LIPC: variants seen among roughly 807,000 people sequenced by gnomAD.
LIPC encodes the protein hepatic triacylglycerol lipase.
Under a neutral mutation model 50.7 loss-of-function variants are expected in LIPC, and 44 were observed. The ratio of observed to expected loss-of-function variants is 0.87; its 90% CI spans 0.68 to 1.11. The LOEUF is 1.11. LIPC is among the 50% of genes most tolerant of loss of function. LIPC has a pLI of 0.00. For missense variants in LIPC, 697 were observed against 648.2 expected (o/e 1.08, Z -0.82); for synonymous variants, 271 against 256.4 (o/e 1.06, Z -0.54).
intron 1 of LIPC, among the ~76,000 whole-genome samples, chr15:58,449,531 G>A (rs1893827634): frequency 6.6e-6 from 1 of 152,042 alleles, no homozygotes; most frequent in Non-Finnish European, 1.5e-5. Context: ...GTTGCTGGGA[G>A]GAATGGGTTT....
At chr15:58,475,962 T>G (rs1397021997) in intron 1 of LIPC, among the ~76,000 whole-genome samples, 1 of 152,222 alleles carries the variant, frequency 6.6e-6, no homozygotes, top group African/African-American at 2.4e-5. Flanking sequence ...CCTGACACAG[T>G]ATAAGCACTG....
chr15:58,515,349 C>T (rs1892452353), intron 1 of LIPC, among the ~76,000 whole-genome samples: 1 of 152,098 alleles, frequency 6.6e-6, no homozygotes, highest in South Asian at 2.1e-4. Flanking sequence ...CTATTTGGAG[C>T]AAGAATGGGA....
intron 4 of LIPC, among the ~76,000 whole-genome samples, chr15:58,543,209 G>C (rs944250341): frequency 3.3e-5 from 5 of 152,102 alleles, no homozygotes; most frequent in Non-Finnish European, 5.9e-5. Context: ...TTCCTCCCAG[G>C]CTTCCGTGAC....
At chr15:58,471,793 C>T (rs1890818262) in intron 1 of LIPC, among the ~76,000 whole-genome samples, 1 of 152,174 alleles carries the variant, frequency 6.6e-6, no homozygotes, top group African/African-American at 2.4e-5. Context: ...CCTGGAGTTC[C>T]TCCACCCTCC....
At chr15:58,460,270 T>C (rs969215897) in intron 1 of LIPC, among the ~76,000 whole-genome samples, 1 of 152,226 alleles carries the variant, frequency 6.6e-6, no homozygotes, top group Non-Finnish European at 1.5e-5. Flanking sequence ...GTTCTAACTC[T>C]GCAGGAGAAG....
At chr15:58,531,427 T>C (rs1188775483) in intron 1 of LIPC, among the ~76,000 whole-genome samples, 1 of 151,968 alleles carries the variant, frequency 6.6e-6, no homozygotes, top group East Asian at 1.9e-4. Context: ...GCATACTCTT[T>C]CATAACCAGA....
At chr15:58,566,590 A>C (rs1381550986) in intron 8 of LIPC, 2 of 417,614 alleles carry the variant, frequency 4.8e-6, no homozygotes, top group African/African-American at 4.3e-5. Flanking sequence ...GAAGTAGGTT[A>C]AGTAACTTGC....
intron 1 of LIPC, among the ~76,000 whole-genome samples, chr15:58,530,308 G>A (rs34386514): frequency 0.035 from 5,351 of 152,310 alleles, 269 homozygotes; most frequent in African/African-American, 0.1. Context: ...TGCTCCATGA[G>A]GGCTGGCTCC....
intron 1 of LIPC, among the ~76,000 whole-genome samples, chr15:58,492,613 C>A (rs558822337): frequency 2.6e-5 from 4 of 152,330 alleles, no homozygotes; most frequent in Admixed American, 2.0e-4. Flanking sequence ...TAGCTCTGTG[C>A]CACCCAGCTC....
chr15:58,532,003 G>A (rs893157895), intron 1 of LIPC, among the ~76,000 whole-genome samples: 2 of 152,278 alleles, frequency 1.3e-5, no homozygotes, highest in South Asian at 2.1e-4. Flanking sequence ...CGACATTATA[G>A]TGAAGTGATG....
rs545863591 is a variant in LIPC at position 58,493,521 on chromosome 15, AAAGT to A, written c.89-44810_89-44807del. 4.3e-3 allele frequency among the ~76,000 whole-genome samples: 653 copies of A among 150,704 alleles called. 5 individuals carry two copies. The highest frequency in any genetic ancestry group is 7.0e-3 in the Non-Finnish European group (477 of 67,676). On this transcript the variant is annotated intron_variant, in intron 1 of 8. Transcript: ENST00000299022. Reference sequence around the variant, plus strand: ...TATACATATATACACACCTAGAAAAAAAGTATGTATTTTGTATATATACAAAATT... The same window carrying A: ...TATACATATATACACACCTAGAAAAAATGTATTTTGTATATATACAAAATT...
chr15:58,531,606 G>A (rs1349069416), intron 1 of LIPC, among the ~76,000 whole-genome samples: 1 of 132,178 alleles, frequency 7.6e-6, no homozygotes, highest in East Asian at 2.4e-4. Context: ...GGCTACAGTA[G>A]TATGGAGCCA....
intron 2 of LIPC, among the ~76,000 whole-genome samples, chr15:58,540,705 T>C (rs1893290420): frequency 6.6e-6 from 1 of 152,144 alleles, no homozygotes; most frequent in Non-Finnish European, 1.5e-5. Flanking sequence ...ACACTGCCCT[T>C]TCATGATTCT....
intron 1 of LIPC, among the ~76,000 whole-genome samples, chr15:58,453,404 T>C (rs1026761289): frequency 6.6e-6 from 1 of 152,108 alleles, no homozygotes; most frequent in Non-Finnish European, 1.5e-5. Flanking sequence ...GTGATTCTAA[T>C]CGGTCCCCCA....
chr15:58,508,750 G>T (rs1339650482), intron 1 of LIPC, among the ~76,000 whole-genome samples: 1 of 151,786 alleles, frequency 6.6e-6, no homozygotes, highest in African/African-American at 2.4e-5. Flanking sequence ...CTTTTCCTCC[G>T]CATTCACATC....
chr15:58,561,402 A>G (rs1168670765), intron 7 of LIPC, among the ~76,000 whole-genome samples: 1 of 146,334 alleles, frequency 6.8e-6, no homozygotes. Flanking sequence ...GAGTTTATCT[A>G]AAGATCTAGA....
chr15:58,521,835 T>C (rs1892663555), intron 1 of LIPC: 3 of 151,980 alleles, frequency 2.0e-5, no homozygotes, highest in Admixed American at 2.0e-4. Context: ...ATATAAGAAG[T>C]CCAGGCATGG....
At chr15:58,438,339 G>A (rs1296790492) in intron 1 of LIPC, among the ~76,000 whole-genome samples, 3 of 152,108 alleles carry the variant, frequency 2.0e-5, no homozygotes, top group Non-Finnish European at 2.9e-5. Context: ...TGACAGCCAC[G>A]GGCTCCACGT....
At chr15:58,474,905 C>T (rs1890940539) in intron 1 of LIPC, among the ~76,000 whole-genome samples, 1 of 152,238 alleles carries the variant, frequency 6.6e-6, no homozygotes, top group African/African-American at 2.4e-5. Context: ...GCAACTGCTG[C>T]TAGGTCCTCG....
Sources: gnomAD v4.1 joint callset for allele counts (sites outside exome capture counted in the v4.1 genomes callset) on GRCh38, gnomAD v4.1.1 for gene constraint, MANE v1.5 for transcripts, NCBI Gene and HGNC (gene_info 2026-07-23, HGNC 2026-07-21) for gene names.